ZNF823: variants seen among roughly 807,000 people sequenced by gnomAD.
ZNF823 encodes the protein ZFP 36 for a zinc finger protein.
A neutral mutation model predicts 11.4 loss-of-function variants in ZNF823; 5 were observed. The observed-to-expected ratio is 0.44, with a 90% CI of 0.23 to 0.92. The LOEUF is 0.92. Among genes scored for constraint, ZNF823 ranks in the 40% least tolerant of loss-of-function variants. The pLI, the probability that ZNF823 is intolerant of heterozygous loss-of-function variation, is 0.24. For synonymous variants in ZNF823, 234 were observed against 250.5 expected, an observed-to-expected ratio of 0.93 and a Z score of 0.62; for missense variants, 582 against 738.5, an observed-to-expected ratio of 0.79 and a Z score of 2.46.
At chr19:11,735,135 C>T (rs548100192) in intron 1 of ZNF823, among the ~76,000 whole-genome samples, 4 of 151,654 alleles carry the variant, frequency 2.6e-5, no homozygotes, top group Admixed American at 6.6e-5. Context: ...ATTAGCTGGG[C>T]GTGGTGGTGG....
intron 1 of ZNF823, among the ~76,000 whole-genome samples, chr19:11,738,051 C>A (rs376643857): frequency 1.1e-4 from 16 of 152,302 alleles, no homozygotes; most frequent in African/African-American, 3.8e-4. Flanking sequence ...ACAGGAACTG[C>A]GAGCCAGGCT....
At chr19:11,726,287 CATATAT>C (rs139368397) in intron 1 of ZNF823, among the ~76,000 whole-genome samples, 6 of 112,250 alleles carry the variant, frequency 5.3e-5, no homozygotes, top group Admixed American at 1.0e-4. Flanking sequence ...ATAAAAAATA[CATATAT>C]ATATATATAT....
intron 1 of ZNF823, among the ~76,000 whole-genome samples, chr19:11,736,110 C>T (rs1204360601): frequency 6.6e-6 from 1 of 151,544 alleles, no homozygotes; most frequent in Non-Finnish European, 1.5e-5. Context: ...AATATATCCA[C>T]CACACTTTCT....
intron 1 of ZNF823, among the ~76,000 whole-genome samples, chr19:11,725,638 C>T (rs1974776520): frequency 6.6e-6 from 1 of 152,146 alleles, no homozygotes; most frequent in African/African-American, 2.4e-5. Flanking sequence ...CTTATCATGA[C>T]AAAGTACAAC....
At chr19:11,738,714 C>T in intron 1 of ZNF823, 103 bp downstream of exon 1, 7 of 1,428,666 alleles carry the variant, frequency 4.9e-6, no homozygotes, top group Non-Finnish European at 6.5e-6. Context: ...ATTTGCAGAC[C>T]CCGGAGTCGC....
intron 1 of ZNF823, chr19:11,730,577 A>AAATT (rs1233266175): frequency 2.0e-5 from 3 of 152,150 alleles, no homozygotes; most frequent in Non-Finnish European, 2.9e-5. Flanking sequence ...CCTGACTTAA[A>AAATT]AATTAATTAA....
Position 11,724,243 on chromosome 19 carries a change from C to T in ZNF823, c.142G>A (p.Glu48Lys). 6.2e-7 allele frequency: 1 copy of T among 1,604,478 alleles called. No individual in the cohort carries two copies. The highest frequency in any genetic ancestry group is 1.3e-5 in the African/African-American group (1 of 74,502). Residue 48 changes from glutamate to lysine, a missense_variant, in exon 3 of 4, where the codon GAG becomes AAG. This residue lies in a region of ZNF823 where 429 missense variants were observed against 553.7 expected (regional missense o/e 0.77). Coordinates refer to ENST00000341191, the MANE Select transcript of ZNF823 (RefSeq NM_001080493.4). ...CACTGATCTCCAATGTTCTGGTCCTCCCATTTCATTTCTAAAAGGTAGACC... is the reference window on the plus strand; with the variant it reads ...CACTGATCTCCAATGTTCTGGTCCTTCCATTTCATTTCTAAAAGGTAGACC... ...RNLDCIEMKWEDQNIGDQCQN... is the reference protein window; with the variant it reads ...RNLDCIEMKWKDQNIGDQCQN...
intron 1 of ZNF823, among the ~76,000 whole-genome samples, chr19:11,726,539 A>C (rs1974796165): frequency 6.6e-6 from 1 of 151,786 alleles, no homozygotes; most frequent in South Asian, 2.1e-4. Context: ...TAATGAATAA[A>C]TGGGGTATCT....
At chr19:11,730,353 T>C (rs1974871266) in intron 1 of ZNF823, 1 of 151,950 alleles carries the variant, frequency 6.6e-6, no homozygotes. Flanking sequence ...GAGGTTGGAG[T>C]GGGAGGACTG....
chr19:11,722,664 G>A lies in ZNF823; in HGVS notation c.870C>T (p.Tyr290=), dbSNP rs772499042. 3.7e-6 allele frequency: 6 copies of A among 1,613,914 alleles called. No individual in the cohort carries two copies. In the African/African-American group the frequency reaches 6.7e-5, roughly 18 times the overall value. The change falls in exon 4 of 4, where the codon TAC becomes TAT. Residue 290 remains tyrosine, a synonymous_variant. Coordinates refer to ENST00000341191, the MANE Select transcript of ZNF823 (RefSeq NM_001080493.4). The surrounding 1 kb of genome is among the most constrained non-coding windows in gnomAD (Gnocchi z 5.2). ...QCGKAFSCYY[Y]TRLHERTHTG... ...TGTGAGTCCTTTCATGTAGTCGAGT[G>A]TAATAGTAACAGCTGAAGGCTTTCC...
intron 1 of ZNF823, among the ~76,000 whole-genome samples, chr19:11,735,615 A>T (rs770939162): frequency 2.0e-5 from 3 of 152,154 alleles, no homozygotes; most frequent in Non-Finnish European, 4.4e-5. Flanking sequence ...AACCAACTCA[A>T]CTGGGTCTTC....
chr19:11,738,394 A>C (rs140109429), intron 1 of ZNF823, among the ~76,000 whole-genome samples: 1 of 152,052 alleles, frequency 6.6e-6, no homozygotes, highest in Non-Finnish European at 1.5e-5. Flanking sequence ...CCACACCTCT[A>C]AACACCCCAT....
chr19:11,730,959 C>T (rs900657133), intron 1 of ZNF823, among the ~76,000 whole-genome samples: 1 of 150,532 alleles, frequency 6.6e-6, no homozygotes, highest in Admixed American at 6.6e-5. Context: ...TGACCCACAC[C>T]TCAGACAGCA....
Position 11,723,065 on chromosome 19 carries a change from G to T in ZNF823, c.469C>A (p.Pro157Thr). The change falls in exon 4 of 4, where the codon CCC (proline) becomes ACC (threonine). Residue 157 changes from proline (P) to threonine (T), a missense_variant. Transcript: ENST00000341191. ...HQHSFQTHERPPTGKKPFDCK... is the reference protein window; with the variant it reads ...HQHSFQTHERTPTGKKPFDCK... ...TCGAAGGGTTTCTTTCCGGTGGGGG[G>T]CCTTTCATGTGTCTGGAAGGAGTGC... The T allele has an allele frequency of 6.2e-7, 1 of 1,614,132 alleles. No homozygotes were observed. The highest frequency in any genetic ancestry group is 8.5e-7 in the Non-Finnish European group (1 of 1,180,012).
At chr19:11,725,615 G>C (rs114003881) in intron 1 of ZNF823, among the ~76,000 whole-genome samples, 18 of 152,228 alleles carry the variant, frequency 1.2e-4, no homozygotes, top group African/African-American at 4.3e-4. Flanking sequence ...TTTCTACAGC[G>C]GTCTGTGTAG....
chr19:11,734,552 T>C (rs1253338283), intron 1 of ZNF823, among the ~76,000 whole-genome samples: 2 of 152,172 alleles, frequency 1.3e-5, no homozygotes, highest in Non-Finnish European at 2.9e-5. Context: ...CATTTATTTA[T>C]TTTGAGATGG....
At position 11,721,870 on chromosome 19, in the gene ZNF823, T is replaced by A; in HGVS notation, c.1664A>T (p.Tyr555Phe). The change falls in exon 4 of 4, where the codon TAT (tyrosine) becomes TTT (phenylalanine). Residue 555 changes from tyrosine (Y) to phenylalanine (F), a missense_variant. Transcript: ENST00000341191. ...HERIHTGEKP[Y>F]ECLQCGKAFT... ...GGCTTTACCACATTGTAGACATTCATAGGGTTTCTCTCCAGTGTGAATTCT... is the reference window on the plus strand; with the variant it reads ...GGCTTTACCACATTGTAGACATTCAAAGGGTTTCTCTCCAGTGTGAATTCT... 6.2e-7 allele frequency: 1 copy of A among 1,614,012 alleles called. No individual in the cohort carries two copies. Among genetic ancestry groups the A allele is most frequent in the Non-Finnish European group, 8.5e-7 (1 of 1,179,978 alleles).
At chr19:11,732,521 G>C (rs1031975998) in intron 1 of ZNF823, among the ~76,000 whole-genome samples, 3 of 150,922 alleles carry the variant, frequency 2.0e-5, no homozygotes, top group Non-Finnish European at 4.4e-5. Flanking sequence ...GGATGGTCTC[G>C]ATCTCCAGAC....
rs1161496070 is a variant in ZNF823 at position 11,722,360 on chromosome 19, T to A, written c.1174A>T (p.Ile392Leu). Residue 392 changes from isoleucine to leucine, a missense_variant, in exon 4 of 4, where the codon ATA becomes TTA. Transcript: ENST00000341191. The surrounding 1 kb of genome is among the most constrained non-coding windows in gnomAD (Gnocchi z 5.2). Reference sequence around the variant, plus strand: ...GGACAACCAAAGGCTTTCCCACATATCTTGCATTTCTGGGGTCCATCTCCT... The same window carrying A: ...GGACAACCAAAGGCTTTCCCACATAACTTGCATTTCTGGGGTCCATCTCCT... Reference protein sequence around the residue: ...HTGDGPQKCKICGKAFGCPSL... With the variant: ...HTGDGPQKCKLCGKAFGCPSL... 1 of 1,613,662 alleles carries A rather than the reference T, an allele frequency of 6.2e-7. No homozygotes were observed. Among genetic ancestry groups the A allele is most frequent in the Non-Finnish European group, 8.5e-7 (1 of 1,179,946 alleles).
Sources: allele counts gnomAD v4.1 joint callset (sites outside exome capture counted in the v4.1 genomes callset), GRCh38; gene constraint gnomAD v4.1.1; regional missense constraint gnomAD v4.1.1; non-coding constraint Gnocchi (gnomAD v3.1); transcripts MANE v1.5; gene names NCBI Gene and HGNC (gene_info 2026-07-23, HGNC 2026-07-21).